COL5A2: variants seen among roughly 807,000 people sequenced by gnomAD.
The protein encoded by COL5A2 is collagen alpha-2(V) chain.
In COL5A2, 23 loss-of-function variants were observed where a neutral mutation model predicts 208.2. That is an observed-to-expected ratio of 0.11 (90% CI 0.08 to 0.16). COL5A2 has a LOEUF of 0.16. Among genes scored for constraint, COL5A2 ranks in the 10% least tolerant of loss-of-function variants. The pLI, the probability that COL5A2 is intolerant of heterozygous loss-of-function variation, is 1.00. For synonymous variants in COL5A2, 625 were observed against 628.5 expected, an observed-to-expected ratio of 0.99 and a Z score of 0.08; for missense variants, 1,590 against 1,956.4, an observed-to-expected ratio of 0.81 and a Z score of 3.53.
chr2:189,234,132 G>A, the COL5A2 span, among the ~76,000 whole-genome samples: 1 of 151,352 alleles, frequency 6.6e-6, no homozygotes, highest in Non-Finnish European at 1.5e-5. Flanking sequence ...CATTGATTAA[G>A]CATATACTTG....
At chr2:189,297,527 A>G in the COL5A2 span, among the ~76,000 whole-genome samples, 1 of 152,086 alleles carries the variant, frequency 6.6e-6, no homozygotes, top group African/African-American at 2.4e-5. Flanking sequence ...ATACATAGTG[A>G]TTCACCTTTG....
the COL5A2 span, among the ~76,000 whole-genome samples, chr2:189,402,158 TGGTATTGCCTA>T: frequency 2.2e-4 from 34 of 152,328 alleles, no homozygotes; most frequent in African/African-American, 8.2e-4. Flanking sequence ...ATGTCCTGAA[TGGTATTGCCTA>T]GGTTTCTTAT....
the COL5A2 span, among the ~76,000 whole-genome samples, chr2:189,298,424 T>A: frequency 6.6e-6 from 1 of 152,088 alleles, no homozygotes; most frequent in Non-Finnish European, 1.5e-5. Context: ...TCCATCTCCC[T>A]CCCATGGCTA....
At chr2:189,312,317 C>T in the COL5A2 span, among the ~76,000 whole-genome samples, 1 of 152,122 alleles carries the variant, frequency 6.6e-6, no homozygotes, top group South Asian at 2.1e-4. Context: ...GGATGTCTCC[C>T]ATTCCTGCCA....
chr2:189,241,525 C>T, the COL5A2 span, among the ~76,000 whole-genome samples: 22 of 152,184 alleles, frequency 1.4e-4, no homozygotes, highest in East Asian at 4.1e-3. Flanking sequence ...GACCCCATCT[C>T]TACAAAATAA....
At chr2:189,049,157 T>TCCTATTA (rs373828500) in intron 44 of COL5A2, among the ~76,000 whole-genome samples, 190 bp downstream of exon 44, 25 of 152,320 alleles carry the variant, frequency 1.6e-4, no homozygotes, top group African/African-American at 5.8e-4. Flanking sequence ...AAGACACCGA[T>TCCTATTA]CCTATTACCT....
At chr2:189,113,785 A>G (rs1687331640) in intron 1 of COL5A2, among the ~76,000 whole-genome samples, 2 of 151,236 alleles carry the variant, frequency 1.3e-5, no homozygotes, top group African/African-American at 2.4e-5. Flanking sequence ...GGATAATTAG[A>G]TATTTGGAAG....
chr2:189,392,274 A>G, the COL5A2 span, among the ~76,000 whole-genome samples: 8 of 152,136 alleles, frequency 5.3e-5, no homozygotes, highest in Admixed American at 1.3e-4. Context: ...TGTTGTTAAT[A>G]GATTTTGGAC....
the COL5A2 span, among the ~76,000 whole-genome samples, chr2:189,295,914 T>C: frequency 6.6e-6 from 1 of 152,214 alleles, no homozygotes; most frequent in Non-Finnish European, 1.5e-5. Flanking sequence ...TTTCATCATC[T>C]TTTTTATTCA....
Position 189,057,441 on chromosome 2 carries a change from A to G in COL5A2, c.2230-14T>C. 6.5e-7 allele frequency: 1 copy of G among 1,540,158 alleles called. No individual in the cohort carries two copies. The highest frequency in any genetic ancestry group is 9.0e-7 in the Non-Finnish European group (1 of 1,112,634). On this transcript the variant is annotated splice_polypyrimidine_tract_variant and intron_variant, in intron 33 of 53. Coordinates refer to ENST00000374866, the MANE Select transcript of COL5A2 (RefSeq NM_000393.5). ...ACCTGGACTGCCCTAAAATGAACCA[A>G]CATTAAGTGACCATACCAATAATAT...
the COL5A2 span, among the ~76,000 whole-genome samples, chr2:189,297,795 G>C: frequency 6.6e-6 from 1 of 152,132 alleles, no homozygotes; most frequent in Non-Finnish European, 1.5e-5. Flanking sequence ...CACTCTATCT[G>C]CCAAACCAAT....
chr2:189,304,102 G>GT, the COL5A2 span, among the ~76,000 whole-genome samples: 4 of 152,002 alleles, frequency 2.6e-5, no homozygotes, highest in Admixed American at 1.3e-4. Flanking sequence ...ATAACTATGA[G>GT]TTTTTTTCCC....
At chr2:189,230,341 T>TA in the COL5A2 span, among the ~76,000 whole-genome samples, 45 of 151,820 alleles carry the variant, frequency 3.0e-4, no homozygotes, top group Admixed American at 3.0e-3. Context: ...TACATCAAAC[T>TA]AAAAAACTTC....
the COL5A2 span, among the ~76,000 whole-genome samples, chr2:189,258,387 T>A: frequency 3.3e-5 from 5 of 152,246 alleles, no homozygotes; most frequent in African/African-American, 7.2e-5. Context: ...TCTAATTTTA[T>A]ATCCAAAATA....
upstream of COL5A2, among the ~76,000 whole-genome samples, chr2:189,183,850 G>A (rs926961251): frequency 2.0e-5 from 3 of 151,988 alleles, no homozygotes; most frequent in Non-Finnish European, 2.9e-5. Flanking sequence ...TGTTTTATCC[G>A]GAGGAAACAG....
rs555111281 is a variant in COL5A2 at position 189,039,371 on chromosome 2, T to C, written c.3826A>G (p.Ser1276Gly). 7 of 1,614,104 alleles carry C rather than the reference T, an allele frequency of 4.3e-6. No homozygotes were observed. In the African/African-American group the frequency reaches 5.3e-5, roughly 12 times the overall value. Reference protein sequence around the residue: ...PGVHATLKSLSSQIETMRSPD... With the variant: ...PGVHATLKSLGSQIETMRSPD... The stretch of plus-strand genomic sequence containing the variant: ...CTGCGCATGGTTTCAATCTGACTAC[T>C]GAGTGACTTCAGGGTAGCATGAACC... The change falls in exon 51 of 54, where the codon AGT (serine) becomes GGT (glycine). Residue 1276 changes from serine (S) to glycine (G), a missense_variant. By Grantham distance (56) the Ser-to-Gly change is moderately conservative (BLOSUM62 0). Coordinates refer to ENST00000374866, the MANE Select transcript of COL5A2 (RefSeq NM_000393.5).
At chr2:189,419,211 C>T in the COL5A2 span, among the ~76,000 whole-genome samples, 1 of 152,114 alleles carries the variant, frequency 6.6e-6, no homozygotes, top group Non-Finnish European at 1.5e-5. Context: ...TCTCTCTAGT[C>T]CCTCATTTCT....
At chr2:189,108,312 G>A (rs1383966067) in intron 2 of COL5A2, among the ~76,000 whole-genome samples, 3 of 151,720 alleles carry the variant, frequency 2.0e-5, no homozygotes, top group Non-Finnish European at 1.5e-5. Flanking sequence ...GAAATTTATA[G>A]AAACAATAAC....
At chr2:189,043,825 CT>C (rs1412064991) in intron 47 of COL5A2, among the ~76,000 whole-genome samples, 1 of 152,174 alleles carries the variant, frequency 6.6e-6, no homozygotes, top group Non-Finnish European at 1.5e-5. Flanking sequence ...AACAAAGCAA[CT>C]CTAAGTTATC....
Sources: allele counts gnomAD v4.1 joint callset (sites outside exome capture counted in the v4.1 genomes callset), GRCh38; gene constraint gnomAD v4.1.1; transcripts MANE v1.5; gene names NCBI Gene and HGNC (gene_info 2026-07-23, HGNC 2026-07-21).